PCDHB7: variants seen among roughly 807,000 people sequenced by gnomAD.
The protein encoded by PCDHB7 is protocadherin beta 7, also known as protocadherin beta-7.
For missense variants in PCDHB7, 1,148 were observed against 1,011.6 expected (o/e 1.13, Z -1.83); for synonymous variants, 542 against 463.1 (o/e 1.17, Z -2.19).
rs782021995 is a variant in PCDHB7, at chr5:141,173,550, G to A, written c.715G>A (p.Ala239Thr). ...TCTGGTTCTAGACGTAAATGACAACGCCCCTGATTTTGTGCGGTCGCTCTA... is the reference window on the plus strand; with the variant it reads ...TCTGGTTCTAGACGTAAATGACAACACCCCTGATTTTGTGCGGTCGCTCTA... Reference protein sequence around the residue: ...RILVLDVNDNAPDFVRSLYKV... With the variant: ...RILVLDVNDNTPDFVRSLYKV... Residue 239 changes from alanine to threonine, a missense_variant, in exon 1 of 1, where the codon GCC becomes ACC. Transcript: ENST00000231137. The A allele has an allele frequency of 6.2e-6, 10 of 1,613,506 alleles. No individual in the cohort carries two copies. The South Asian group carries it at 7.7e-5, about 12-fold the overall frequency.
chr5:141,175,289 G>C lies in PCDHB7; in HGVS notation c.*72G>C, dbSNP rs1473875217. ...GGAACTTATTGCGAGGTTCCCTTAA[G>C]GGAGTGTCTTTACATCATTTCAAAT... On this transcript the variant is annotated 3_prime_UTR_variant, in exon 1 of 1. Transcript: ENST00000231137. 4 of 1,414,760 alleles carry C rather than the reference G, an allele frequency of 2.8e-6. No individual in the cohort carries two copies. Among genetic ancestry groups the C allele is most frequent in the Non-Finnish European group, 3.8e-6 (4 of 1,040,548 alleles). 87.6% of individuals were successfully genotyped at this position (1,414,760 alleles called of 1,614,324 possible). A position where few individuals can be genotyped will look rare whatever the true frequency, so the allele number is the denominator to read the frequency against.
chr5:141,174,538 G>C lies in PCDHB7; in HGVS notation c.1703G>C (p.Ser568Thr). The change falls in exon 1 of 1, where the codon AGC (serine) becomes ACC (threonine). Residue 568 changes from serine to threonine, a missense_variant. Coordinates refer to ENST00000231137, the MANE Select transcript of PCDHB7 (RefSeq NM_018940.4). ...SPFVLYPLQN[S>T]SAPCTEPLPR... is the part of the protein sequence containing the mutation. ...TTCGTGCTGTACCCGCTGCAGAACA[G>C]CTCCGCGCCCTGCACCGAGCCGTTG... 6.2e-7 allele frequency: 1 copy of C among 1,610,348 alleles called. No individual in the cohort carries two copies. The highest frequency in any genetic ancestry group is 8.5e-7 in the Non-Finnish European group (1 of 1,179,630).
rs781810804 is a variant in PCDHB7, at chr5:141,173,949, G to A, written c.1114G>A (p.Asp372Asn). 3.7e-6 allele frequency: 6 copies of A among 1,613,566 alleles called. No homozygotes were observed. The East Asian group carries it at 1.3e-4, about 36-fold the overall frequency. ...AGTCGTGGCTGTTTTTAGGATTAGA[G>A]ACAGAGATTCCGGGAACAATGGAAA... The part of the protein sequence containing the change: ...ETVVAVFRIR[D>N]RDSGNNGKTV... The change falls in exon 1 of 1, where the codon GAC becomes AAC. Residue 372 changes from aspartate to asparagine, a missense_variant. Physicochemically the swap from Asp to Asn is conservative, Grantham distance 23. Transcript: ENST00000231137.
At position 141,174,428 on chromosome 5, in the gene PCDHB7, G is replaced by A. The variant is rs1554280239; in HGVS notation, c.1593G>A (p.Val531=). 6.2e-7 allele frequency: 1 copy of A among 1,611,976 alleles called. No individual in the cohort carries two copies. The highest frequency in any genetic ancestry group is 8.5e-7 in the Non-Finnish European group (1 of 1,179,762). The change falls in exon 1 of 1, where the codon GTG becomes GTA. Residue 531 remains valine (V), a synonymous_variant. Coordinates refer to ENST00000231137, the MANE Select transcript of PCDHB7 (RefSeq NM_018940.4). ...YEALQAFEFR[V]GATDRGSPAL... ...CCCTGCAGGCGTTCGAGTTCCGCGT[G>A]GGCGCCACAGACCGCGGCTCCCCCG...
rs1436626678 is a variant in PCDHB7, at chr5:141,173,560, T to G, written c.725T>G (p.Phe242Cys). Residue 242 changes from phenylalanine (F) to cysteine (C), a missense_variant, in exon 1 of 1, where the codon TTT becomes TGT. Transcript: ENST00000231137. Reference sequence around the variant, plus strand: ...GACGTAAATGACAACGCCCCTGATTTTGTGCGGTCGCTCTACAAGGTGCAG... The same window carrying G: ...GACGTAAATGACAACGCCCCTGATTGTGTGCGGTCGCTCTACAAGGTGCAG... Reference protein sequence around the residue: ...VLDVNDNAPDFVRSLYKVQVP... With the variant: ...VLDVNDNAPDCVRSLYKVQVP... 1.2e-6 allele frequency: 2 copies of G among 1,613,596 alleles called. No individual in the cohort carries two copies. Among genetic ancestry groups the G allele is most frequent in the East Asian group, 4.5e-5 (2 of 44,876 alleles).
At position 141,175,518 on chromosome 5, in the gene PCDHB7, C is replaced by T. The variant is rs1221390199; in HGVS notation, c.*301C>T. The T allele has an allele frequency of 1.3e-5, 5 of 399,330 alleles. No homozygotes were observed. The highest frequency in any genetic ancestry group is 1.1e-4 in the African/African-American group (5 of 45,812). The allele number at this position is 399,330 out of a possible 1,614,324, so 24.7% of individuals were successfully genotyped here. A position where few individuals can be genotyped will look rare whatever the true frequency, so the allele number is the denominator to read the frequency against. ...TTGTTTTCAATCTCTACTGAGACTT[C>T]CTGAGTTGATTAGAAAGCTGTATGA... is the stretch of plus-strand genomic sequence containing the variant. On this transcript the variant is annotated 3_prime_UTR_variant, in exon 1 of 1. Transcript: ENST00000231137.
At position 141,173,625 on chromosome 5, in the gene PCDHB7, G is replaced by A. The variant is rs782229983; in HGVS notation, c.790G>A (p.Val264Met). 3.1e-6 allele frequency: 5 copies of A among 1,614,018 alleles called. No homozygotes were observed. Among genetic ancestry groups the A allele is most frequent in the Non-Finnish European group, 3.4e-6 (4 of 1,180,044 alleles). Residue 264 changes from valine to methionine, a missense_variant, in exon 1 of 1, where the codon GTG becomes ATG. Val to Met is a conservative substitution (Grantham distance 21). Coordinates refer to ENST00000231137, the MANE Select transcript of PCDHB7 (RefSeq NM_018940.4). ...CCCCGTTGGTTCCATGGTTGTCTCC[G>A]TGTCAGCCAGAGATTTAGATACCGG... ...NSPVGSMVVS[V>M]SARDLDTGSN...
rs373278469 is a variant in PCDHB7, at chr5:141,174,111, T to G, written c.1276T>G (p.Leu426Val). 13 of 1,614,042 alleles carry G rather than the reference T, an allele frequency of 8.1e-6. No individual in the cohort carries two copies. The Admixed American group carries it at 1.0e-4, about 12-fold the overall frequency. Residue 426 changes from leucine (L) to valine (V), a missense_variant, in exon 1 of 1, where the codon TTG becomes GTG. Coordinates refer to ENST00000231137, the MANE Select transcript of PCDHB7 (RefSeq NM_018940.4). Reference protein sequence around the residue: ...EYNITITVTDLGTPRLKTEHN... With the variant: ...EYNITITVTDVGTPRLKTEHN... ...CAACATCACCATCACCGTCACCGAC[T>G]TGGGGACACCCAGGCTGAAAACCGA...
chr5:141,172,991 A>AG lies in PCDHB7; in HGVS notation c.159dup (p.Leu54ValfsTer12). On this transcript the variant is annotated frameshift_variant, in exon 1 of 1. Transcript: ENST00000231137. LOFTEE classifies it low-confidence loss of function (END_TRUNC). ...TTCTTACCAACTTGGCAAAAGACCT[A>AG]GGGTTAGGGGTAGGGGAACTGAGAG... 1 of 1,614,054 alleles carries AG rather than the reference A, an allele frequency of 6.2e-7. No individual in the cohort carries two copies. Among genetic ancestry groups the AG allele is most frequent in the South Asian group, 1.1e-5 (1 of 91,070 alleles).
At position 141,175,294 on chromosome 5, in the gene PCDHB7, T is replaced by A; in HGVS notation, c.*77T>A. 1.5e-6 allele frequency: 2 copies of A among 1,352,352 alleles called. No homozygotes were observed. Among genetic ancestry groups the A allele is most frequent in the Non-Finnish European group, 2.0e-6 (2 of 989,782 alleles). 83.8% of individuals were successfully genotyped at this position (1,352,352 alleles called of 1,614,324 possible). A position where few individuals can be genotyped will look rare whatever the true frequency, so the allele number is the denominator to read the frequency against. The stretch of plus-strand genomic sequence containing the variant: ...TTATTGCGAGGTTCCCTTAAGGGAG[T>A]GTCTTTACATCATTTCAAATATGTA... On this transcript the variant is annotated 3_prime_UTR_variant, in exon 1 of 1. Transcript: ENST00000231137.
Position 141,173,294 on chromosome 5 carries a change from C to T in PCDHB7, c.459C>T (p.Leu153=), listed in dbSNP as rs782027814. The change falls in exon 1 of 1, where the codon CTC becomes CTT. Residue 153 remains leucine, a synonymous_variant. Coordinates refer to ENST00000231137, the MANE Select transcript of PCDHB7 (RefSeq NM_018940.4). ...LESTTPGAAF[L]LESAQDSDVG... is the part of the protein sequence containing the mutation. ...GTACCACTCCAGGGGCGGCATTTCT[C>T]CTAGAGAGTGCACAGGATTCAGATG... The T allele has an allele frequency of 7.4e-6, 12 of 1,613,996 alleles. No individual in the cohort carries two copies. Among genetic ancestry groups the T allele is most frequent in the South Asian group, 4.4e-5 (4 of 91,086 alleles).
In PCDHB7 at chr5:141,174,311, G is replaced by C. The variant is rs782340324; in HGVS notation, c.1476G>C (p.Pro492=). Residue 492 remains proline (P), a synonymous_variant, in exon 1 of 1, where the codon CCG becomes CCC. Coordinates refer to ENST00000231137, the MANE Select transcript of PCDHB7 (RefSeq NM_018940.4). The part of the protein sequence containing the change: ...TNAQVIYSLL[P]SQDPHLPLAS... Reference sequence around the variant, plus strand: ...CCCAGGTCATCTACTCCCTGCTGCCGTCCCAGGACCCGCACCTGCCCCTCG... The same window carrying C: ...CCCAGGTCATCTACTCCCTGCTGCCCTCCCAGGACCCGCACCTGCCCCTCG... The C allele has an allele frequency of 5.0e-6, 8 of 1,612,494 alleles. No homozygotes were observed. The highest frequency in any genetic ancestry group is 2.2e-5 in the East Asian group (1 of 44,872).
rs782343797 is a variant in PCDHB7 at position 141,173,741 on chromosome 5, T to C, written c.906T>C (p.His302=). The change falls in exon 1 of 1, where the codon CAT becomes CAC. Residue 302 remains histidine, a synonymous_variant. Coordinates refer to ENST00000231137, the MANE Select transcript of PCDHB7 (RefSeq NM_018940.4). The part of the protein sequence containing the change: ...FQINPTSGSL[H]LKAQLDYEAI... ...TCAATCCAACATCTGGCAGTCTTCA[T>C]CTTAAAGCGCAATTGGACTATGAGG... 3 of 1,613,876 alleles carry C rather than the reference T, an allele frequency of 1.9e-6. No individual in the cohort carries two copies. Among genetic ancestry groups the C allele is most frequent in the Non-Finnish European group, 2.5e-6 (3 of 1,179,882 alleles).
In PCDHB7 at chr5:141,175,099, GA is replaced by G; in HGVS notation, c.2265del (p.Gly756AlafsTer10). On this transcript the variant is annotated frameshift_variant, in exon 1 of 1. Transcript: ENST00000231137. LOFTEE classifies it low-confidence loss of function (END_TRUNC). ...QSYQYEVCLT[G>X]GSGTNEFKFL... ...TACCAGTATGAGGTGTGCCTGACTG[GA>G]GGCTCCGGGACAAATGAGTTCAAGT... The G allele has an allele frequency of 6.2e-6, 10 of 1,614,200 alleles. No individual in the cohort carries two copies. The highest frequency in any genetic ancestry group is 8.5e-6 in the Non-Finnish European group (10 of 1,180,042).
rs1269862537 is a variant in PCDHB7, at chr5:141,175,879, A to G, written c.*662A>G. 6.0e-6 allele frequency: 1 copy of G among 167,242 alleles called. No individual in the cohort carries two copies. The highest frequency in any genetic ancestry group is 2.4e-5 in the African/African-American group (1 of 41,462). 10.4% of individuals were successfully genotyped at this position (167,242 alleles called of 1,614,324 possible). A position where few individuals can be genotyped will look rare whatever the true frequency, so the allele number is the denominator to read the frequency against. ...AGGAGAAGTCTTTTATCATATTTAT[A>G]CTGCTGTCCAATCTTTTCTATATTT... On this transcript the variant is annotated 3_prime_UTR_variant, in exon 1 of 1. Coordinates refer to ENST00000231137, the MANE Select transcript of PCDHB7 (RefSeq NM_018940.4).
Position 141,175,685 on chromosome 5 carries a change from A to T in PCDHB7, c.*468A>T, listed in dbSNP as rs1259066749. Reference sequence around the variant, plus strand: ...ATGAGGCATGGTATTTTAGGAATGAACAAATAGATGGTCTTAGAGATTCAG... The same window carrying T: ...ATGAGGCATGGTATTTTAGGAATGATCAAATAGATGGTCTTAGAGATTCAG... On this transcript the variant is annotated 3_prime_UTR_variant, in exon 1 of 1. Transcript: ENST00000231137. 1.1e-5 allele frequency: 2 copies of T among 179,656 alleles called. No homozygotes were observed. Among genetic ancestry groups the T allele is most frequent in the Non-Finnish European group, 2.6e-5 (2 of 76,732 alleles). 11.1% of individuals were successfully genotyped at this position (179,656 alleles called of 1,614,324 possible).
chr5:141,173,422 T>G lies in PCDHB7; in HGVS notation c.587T>G (p.Leu196Arg). ...GGGAATATCTATCCCGAATTGGTGC[T>G]GAATCAAGTGCTGGATCGGGAAGAG... ...GEGNIYPELV[L>R]NQVLDREEIP... The change falls in exon 1 of 1, where the codon CTG becomes CGG. Residue 196 changes from leucine (L) to arginine (R), a missense_variant. Leu to Arg is a moderately radical substitution (Grantham distance 102). Transcript: ENST00000231137. 1 of 1,614,182 alleles carries G rather than the reference T, an allele frequency of 6.2e-7. No homozygotes were observed. The highest frequency in any genetic ancestry group is 8.5e-7 in the Non-Finnish European group (1 of 1,180,032).
chr5:141,173,831 T>C lies in PCDHB7; in HGVS notation c.996T>C (p.Thr332=), dbSNP rs781969922. The C allele has an allele frequency of 9.9e-6, 16 of 1,614,074 alleles. No individual in the cohort carries two copies. The Admixed American group carries it at 1.5e-4, about 15-fold the overall frequency. Residue 332 remains threonine, a synonymous_variant, in exon 1 of 1, where the codon ACT becomes ACC. Coordinates refer to ENST00000231137, the MANE Select transcript of PCDHB7 (RefSeq NM_018940.4). ...GCGGCGGGCTTTCTGGAAAATGCAC[T>C]GTAGTGGTTGATGTAACAGATATAA... ...KDGGGLSGKC[T]VVVDVTDIND... is the part of the protein sequence containing the mutation.
rs568178761 is a variant in PCDHB7 at position 141,175,581 on chromosome 5, G to T, written c.*364G>T. 27 of 251,720 alleles carry T rather than the reference G, an allele frequency of 1.1e-4. 1 individual carries two copies. In the South Asian group the frequency reaches 2.8e-3, roughly 26 times the overall value. 15.6% of individuals were successfully genotyped at this position (251,720 alleles called of 1,614,324 possible). A position where few individuals can be genotyped will look rare whatever the true frequency, so the allele number is the denominator to read the frequency against. On this transcript the variant is annotated 3_prime_UTR_variant, in exon 1 of 1. Transcript: ENST00000231137. ...TAGTCTCAGAAGCATAGACTGTAGA[G>T]TATCTTTTTAAGCATTTTTAAAAAA...
Sources: gnomAD v4.1 joint callset for allele counts on GRCh38, gnomAD v4.1.1 for gene constraint, MANE v1.5 for transcripts, NCBI Gene and HGNC (gene_info 2026-07-23, HGNC 2026-07-21) for gene names.